PTPRT: variants seen among roughly 807,000 people sequenced by gnomAD.
PTPRT encodes the protein protein tyrosine phosphatase receptor type T, also known as receptor-type tyrosine-protein phosphatase T.
Under a neutral mutation model 176.8 loss-of-function variants are expected in PTPRT, and 56 were observed. The observed-to-expected ratio is 0.32, with a 90% CI of 0.26 to 0.40. The LOEUF (loss-of-function observed/expected upper bound fraction) is 0.40. Ranked by LOEUF, PTPRT falls within the 10% of genes least tolerant of loss-of-function variation. The pLI, the probability that PTPRT is intolerant of heterozygous loss-of-function variation, is 1.00. For synonymous variants in PTPRT, 783 were observed against 739.0 expected, an observed-to-expected ratio of 1.06 and a Z score of -0.96; for missense variants, 1,540 against 1,908.2, an observed-to-expected ratio of 0.81 and a Z score of 3.60.
At chr20:43,122,129 C>A (rs1242051978) in intron 1 of PTPRT, among the ~76,000 whole-genome samples, 1 of 152,158 alleles carries the variant, frequency 6.6e-6, no homozygotes, top group Non-Finnish European at 1.5e-5. Flanking sequence ...TGCGGTTAGG[C>A]CTGGGAATTT....
intron 7 of PTPRT, among the ~76,000 whole-genome samples, chr20:42,575,817 C>T (rs544325506): frequency 6.6e-6 from 1 of 152,242 alleles, no homozygotes; most frequent in East Asian, 1.9e-4. Context: ...CCAGCGCCCA[C>T]ACCCTCGCCA....
At chr20:42,791,923 C>T (rs1047628790) in intron 2 of PTPRT, among the ~76,000 whole-genome samples, 1 of 152,204 alleles carries the variant, frequency 6.6e-6, no homozygotes, top group Non-Finnish European at 1.5e-5. Context: ...TTCCTTCCAG[C>T]AGAAACAGAG....
At chr20:43,031,264 G>A (rs1986127346) in intron 1 of PTPRT, among the ~76,000 whole-genome samples, 1 of 152,152 alleles carries the variant, frequency 6.6e-6, no homozygotes, top group African/African-American at 2.4e-5. Flanking sequence ...AGCAGCTGGG[G>A]CAGTGAGTGC....
chr20:42,445,405 T>A (rs770764118), intron 9 of PTPRT, among the ~76,000 whole-genome samples: 8 of 152,232 alleles, frequency 5.3e-5, no homozygotes, highest in Non-Finnish European at 1.2e-4. Flanking sequence ...GAGAGGCCAC[T>A]TGATGTACTC....
intron 12 of PTPRT, among the ~76,000 whole-genome samples, chr20:42,286,122 G>A (rs967919381): frequency 6.6e-6 from 1 of 151,926 alleles, no homozygotes; most frequent in Non-Finnish European, 1.5e-5. Context: ...GTCATGGATT[G>A]GAAGAATTAA....
chr20:42,246,814 A>G (rs1262115052), intron 14 of PTPRT, among the ~76,000 whole-genome samples: 1 of 152,224 alleles, frequency 6.6e-6, no homozygotes, highest in East Asian at 1.9e-4. Flanking sequence ...ATTTGGGTGG[A>G]CAATCCCAAA....
At chr20:42,546,120 G>A (rs1430789785) in intron 7 of PTPRT, among the ~76,000 whole-genome samples, 2 of 152,076 alleles carry the variant, frequency 1.3e-5, no homozygotes, top group African/African-American at 4.8e-5. Context: ...CATTTGCACT[G>A]ATAAAAGAAA....
intron 7 of PTPRT, among the ~76,000 whole-genome samples, chr20:42,606,245 C>T (rs2073875353): frequency 6.6e-6 from 1 of 152,078 alleles, no homozygotes; most frequent in Non-Finnish European, 1.5e-5. Context: ...CTGGGCCACA[C>T]ACTCTTGCAG....
chr20:43,170,719 C>G (rs1020726159), intron 1 of PTPRT, among the ~76,000 whole-genome samples: 1 of 152,168 alleles, frequency 6.6e-6, no homozygotes, highest in African/African-American at 2.4e-5. Context: ...AATCTGGGCT[C>G]AAAACATCAC....
intron 7 of PTPRT, among the ~76,000 whole-genome samples, chr20:42,488,470 AT>A (rs1346166283): frequency 6.6e-6 from 1 of 152,010 alleles, no homozygotes; most frequent in African/African-American, 2.4e-5. Flanking sequence ...TACTATTTTA[AT>A]TTATATTGTT....
At chr20:42,480,921 CA>C (rs1568917587) in intron 7 of PTPRT, among the ~76,000 whole-genome samples, 8 of 152,178 alleles carry the variant, frequency 5.3e-5, no homozygotes, top group Admixed American at 5.2e-4. Flanking sequence ...ACAGCTCAAA[CA>C]ATCTATTTCA....
chr20:42,350,300 T>C (rs2285142), intron 11 of PTPRT, among the ~76,000 whole-genome samples: 98,351 of 147,774 alleles, frequency 0.67, 32,877 homozygotes, highest in East Asian at 0.9. Flanking sequence ...ATGATCACAG[T>C]TCACTACACT....
intron 17 of PTPRT, among the ~76,000 whole-genome samples, chr20:42,147,082 T>C (rs918011004): frequency 6.6e-6 from 1 of 152,220 alleles, no homozygotes; most frequent in Non-Finnish European, 1.5e-5. Flanking sequence ...CATCTAATAA[T>C]TTAACTCTAT....
chr20:42,165,959 C>A (rs1989807350), intron 16 of PTPRT, among the ~76,000 whole-genome samples: 1 of 152,142 alleles, frequency 6.6e-6, no homozygotes, highest in African/African-American at 2.4e-5. Flanking sequence ...TTACCTAACC[C>A]CATATGTCTG....
intron 1 of PTPRT, among the ~76,000 whole-genome samples, chr20:43,148,861 A>T (rs1363588145): frequency 3.3e-5 from 5 of 152,172 alleles, no homozygotes; most frequent in Non-Finnish European, 5.9e-5. Context: ...GATGGGCTTT[A>T]CTCTCACCTC....
chr20:42,287,186 A>G (rs577295019), intron 12 of PTPRT, among the ~76,000 whole-genome samples: 2 of 152,086 alleles, frequency 1.3e-5, no homozygotes, highest in East Asian at 3.9e-4. Flanking sequence ...AGGTTCCTCA[A>G]AAAAACTATA....
At chr20:42,743,373 TA>T (rs1305903589) in intron 6 of PTPRT, among the ~76,000 whole-genome samples, 21 of 152,226 alleles carry the variant, frequency 1.4e-4, no homozygotes, top group Admixed American at 7.8e-4. Context: ...TCATATGGGT[TA>T]GGGGGGAAAA....
chr20:42,489,295 G>A (rs930715920), intron 7 of PTPRT, among the ~76,000 whole-genome samples: 4 of 152,084 alleles, frequency 2.6e-5, no homozygotes, highest in South Asian at 2.1e-4. Flanking sequence ...GTTAGGTATA[G>A]CCATGAGACT....
At chr20:42,245,460 C>T (rs1404413584) in intron 14 of PTPRT, among the ~76,000 whole-genome samples, 1 of 152,192 alleles carries the variant, frequency 6.6e-6, no homozygotes, top group African/African-American at 2.4e-5. Flanking sequence ...TTCTCCTTTT[C>T]GTTTCTCAAG....
Sources: gnomAD v4.1 joint callset for allele counts (sites outside exome capture counted in the v4.1 genomes callset) on GRCh38, gnomAD v4.1.1 for gene constraint, MANE v1.5 for transcripts, NCBI Gene and HGNC (gene_info 2026-07-23, HGNC 2026-07-21) for gene names.